Variants in OSBPL5 observed in about 807,000 individuals in gnomAD.
OSBPL5 encodes the protein oxysterol binding protein like 5.
In OSBPL5, 71 loss-of-function variants were observed where a neutral mutation model predicts 111.2. The observed-to-expected ratio is 0.64, with a 90% CI of 0.53 to 0.78. OSBPL5 has a LOEUF of 0.78. Among genes scored for constraint, OSBPL5 ranks in the 30% least tolerant of loss-of-function variants. OSBPL5 has a pLI of 0.00. For missense variants in OSBPL5, 1,210 were observed against 1,189.3 expected (o/e 1.02, Z -0.26); for synonymous variants, 549 against 513.9 (o/e 1.07, Z -0.93).
At chr11:3,150,015 T>C (rs1357499928) in intron 1 of OSBPL5, among the ~76,000 whole-genome samples, 2 of 152,062 alleles carry the variant, frequency 1.3e-5, no homozygotes, top group Admixed American at 6.5e-5. Context: ...TGCACACACA[T>C]GCATAAGCAG....
In OSBPL5 at chr11:3,097,666, T is replaced by C. The variant is rs547230119; in HGVS notation, c.1621+2492A>G. Among the ~76,000 whole-genome samples, 33 of 152,232 alleles carry C rather than the reference T, an allele frequency of 2.2e-4. 1 individual carries two copies. In the South Asian group the frequency reaches 6.4e-3, roughly 30 times the overall value. ...ACACAGCAGCAAACAAAACAGAATA[T>C]GAGAGTGACCAGCTAGAGATGATAA... On this transcript the variant is annotated intron_variant, in intron 14 of 21. Transcript: ENST00000263650.
chr11:3,092,648 G>T lies in OSBPL5; in HGVS notation c.2133-90C>A, dbSNP rs900698609. The stretch of plus-strand genomic sequence containing the variant: ...CCCAGTCTTCAGCCCCCCAACAGTG[G>T]CCAGAGACCTCCAGGAGAATGACCA... On this transcript the variant is annotated intron_variant, in intron 18 of 21. Transcript: ENST00000263650. The surrounding 1 kb of genome is among the most constrained non-coding windows in gnomAD (Gnocchi z 5.4). 5 of 1,441,488 alleles carry T rather than the reference G, an allele frequency of 3.5e-6. No individual in the cohort carries two copies. The highest frequency in any genetic ancestry group is 4.6e-6 in the Non-Finnish European group (5 of 1,081,140). 89.3% of individuals were successfully genotyped at this position (1,441,488 alleles called of 1,614,324 possible).
chr11:3,160,371 T>C (rs1255623911), intron 1 of OSBPL5, among the ~76,000 whole-genome samples: 1 of 152,186 alleles, frequency 6.6e-6, no homozygotes, highest in Non-Finnish European at 1.5e-5. Flanking sequence ...TTCACCGCAA[T>C]AGGCGGGCAG....
At chr11:3,145,370 C>T (rs1026684185) in intron 1 of OSBPL5, among the ~76,000 whole-genome samples, 6 of 152,230 alleles carry the variant, frequency 3.9e-5, no homozygotes, top group Admixed American at 6.5e-5. Flanking sequence ...CCCCTGCAAC[C>T]AGTCCCACAG....
intron 1 of OSBPL5, among the ~76,000 whole-genome samples, chr11:3,143,246 G>A (rs1361065247): frequency 6.7e-6 from 1 of 149,820 alleles, no homozygotes; most frequent in Admixed American, 6.6e-5. Context: ...GGGCAGAGGA[G>A]GCAGGTGCGG....
In OSBPL5 at chr11:3,100,254, T is replaced by C. The variant is rs1423198071; in HGVS notation, c.1525A>G (p.Asn509Asp). 1.2e-6 allele frequency: 2 copies of C among 1,613,664 alleles called. No individual in the cohort carries two copies. Among genetic ancestry groups the C allele is most frequent in the South Asian group, 2.2e-5 (2 of 91,070 alleles). ...CCGTCCAGCAGCGCCGACAGCGAGT[T>C]CCCTGCAGAGACAAGAGACAGCAGG... ...SITAKSRFYGNSLSALLDGKA... is the reference protein window; with the variant it reads ...SITAKSRFYGDSLSALLDGKA... The change falls in exon 14 of 22, where the codon AAC becomes GAC. Residue 509 changes from asparagine (N) to aspartate (D), a missense_variant and splice_region_variant. Coordinates refer to ENST00000263650, the MANE Select transcript of OSBPL5 (RefSeq NM_020896.4).
chr11:3,119,234 C>T (rs1590676557), intron 7 of OSBPL5, among the ~76,000 whole-genome samples: 1 of 152,144 alleles, frequency 6.6e-6, no homozygotes. Context: ...TGGTCCTGAA[C>T]TCCTGACCTC....
chr11:3,159,116 G>A (rs1846877126), intron 1 of OSBPL5, among the ~76,000 whole-genome samples: 1 of 152,132 alleles, frequency 6.6e-6, no homozygotes, highest in African/African-American at 2.4e-5. Flanking sequence ...TGAACACAAG[G>A]GACAGCAGGT....
chr11:3,120,732 G>A lies in OSBPL5; in HGVS notation c.403-108C>T, dbSNP rs1328233971. The A allele has an allele frequency of 5.4e-5, 65 of 1,211,206 alleles. 1 individual carries two copies. In the Admixed American group the frequency reaches 1.1e-3, roughly 21 times the overall value. 75.0% of individuals were successfully genotyped at this position (1,211,206 alleles called of 1,614,324 possible). On this transcript the variant is annotated intron_variant, in intron 5 of 21. Transcript: ENST00000263650. ...GCACAGACCAGGGTGGGCTGCCGAG[G>A]GGCCCTTCCCCTCCCTCACTCCCCC...
In OSBPL5 at chr11:3,105,346, G is replaced by A. The variant is rs965401338; in HGVS notation, c.1060-969C>T. On this transcript the variant is annotated intron_variant, in intron 9 of 21. Coordinates refer to ENST00000263650, the MANE Select transcript of OSBPL5 (RefSeq NM_020896.4). The surrounding 1 kb of genome is among the most constrained non-coding windows in gnomAD (Gnocchi z 5.2). ...CAAATGGCTTCGCCTCTCTGTGCAC[G>A]CATGGCCACGGACAGATCCTGGTGG... 2.0e-5 allele frequency among the ~76,000 whole-genome samples: 3 copies of A among 152,136 alleles called. No individual in the cohort carries two copies. The highest frequency in any genetic ancestry group is 2.9e-5 in the Non-Finnish European group (2 of 68,008).
intron 10 of OSBPL5, among the ~76,000 whole-genome samples, chr11:3,103,794 GCCTCTGCAGCCCTCTTCC>G (rs1857571108): frequency 5.9e-5 from 2 of 33,848 alleles, no homozygotes; most frequent in East Asian, 1.0e-3. Flanking sequence ...GTCCCTTCCT[GCCTCTGCAGCCCTCTTCC>G]TGCCTGCGCA....
chr11:3,133,761 C>G (rs1233185326), intron 1 of OSBPL5, among the ~76,000 whole-genome samples: 1 of 152,240 alleles, frequency 6.6e-6, no homozygotes, highest in Admixed American at 6.5e-5. Flanking sequence ...GGAGGGGACG[C>G]TGTGGGGCTT....
At chr11:3,090,871 G>C (rs1857032823) in intron 19 of OSBPL5, 175 bp from the exon 20 acceptor site, 3 of 805,158 alleles carry the variant, frequency 3.7e-6, no homozygotes, top group Non-Finnish European at 5.7e-6. Flanking sequence ...GGCATGGCCT[G>C]GAGTAGCCAT....
intron 1 of OSBPL5, among the ~76,000 whole-genome samples, chr11:3,138,197 G>A (rs117045690): frequency 0.021 from 3,217 of 152,274 alleles, 48 homozygotes; most frequent in Non-Finnish European, 0.029. Context: ...GCAGCTACTG[G>A]GTCAGCTGGC....
intron 14 of OSBPL5, among the ~76,000 whole-genome samples, chr11:3,097,108 A>AGGAGGAGAGGAAAGAGGGGGAAGATG (rs1857296585): frequency 1.8e-4 from 3 of 16,570 alleles, no homozygotes; most frequent in Non-Finnish European, 4.6e-4. Flanking sequence ...GGAAGATGGG[A>AGGAGGAGAGGAAAGAGGGGGAAGATG]GGAGGAGGAG....
intron 1 of OSBPL5, among the ~76,000 whole-genome samples, chr11:3,159,562 T>G (rs1846891706): frequency 6.6e-6 from 1 of 152,194 alleles, no homozygotes; most frequent in Non-Finnish European, 1.5e-5. Flanking sequence ...TCGCTGCCCC[T>G]TCACAGGTCA....
At position 3,121,057 on chromosome 11, in the gene OSBPL5, G is replaced by T. The variant is rs1286443157; in HGVS notation, c.403-433C>A. ...GTGACTTGTAACTGGCAGCTTTGTAGATTCTTTTTTTTTTTTTTTTTGAGA... is the reference window on the plus strand; with the variant it reads ...GTGACTTGTAACTGGCAGCTTTGTATATTCTTTTTTTTTTTTTTTTTGAGA... On this transcript the variant is annotated intron_variant, in intron 5 of 21. Transcript: ENST00000263650. The surrounding 1 kb of genome is among the most constrained non-coding windows in gnomAD (Gnocchi z 4.3). 1.5e-5 allele frequency among the ~76,000 whole-genome samples: 2 copies of T among 133,882 alleles called. No individual in the cohort carries two copies. The highest frequency in any genetic ancestry group is 1.6e-5 in the Non-Finnish European group (1 of 60,866). The allele number at this position is 133,882 out of a possible 152,430, so 87.8% of individuals were successfully genotyped here.
chr11:3,135,857 G>A (rs1845935080), intron 1 of OSBPL5, among the ~76,000 whole-genome samples: 1 of 152,208 alleles, frequency 6.6e-6, no homozygotes. Context: ...AGTTTCCTGG[G>A]CCACCTAGGA....
intron 7 of OSBPL5, among the ~76,000 whole-genome samples, chr11:3,112,067 G>A (rs865878269): frequency 0.021 from 1,619 of 76,182 alleles, 37 homozygotes; most frequent in African/African-American, 0.062. Flanking sequence ...ATGTGTATGT[G>A]TGTGTGCATG....
Sources: allele counts gnomAD v4.1 joint callset (sites outside exome capture counted in the v4.1 genomes callset), GRCh38; gene constraint gnomAD v4.1.1; non-coding constraint Gnocchi (gnomAD v3.1); transcripts MANE v1.5; gene names NCBI Gene and HGNC (gene_info 2026-07-23, HGNC 2026-07-21).